SYT14: variants seen among roughly 807,000 people sequenced by gnomAD.
The protein encoded by SYT14 is synaptotagmin-14.
A neutral mutation model predicts 74.2 loss-of-function variants in SYT14; 32 were observed. The observed-to-expected ratio is 0.43, with a 90% CI of 0.33 to 0.58. The LOEUF is 0.58. SYT14 is among the 20% of genes least tolerant of loss of function. The pLI is 0.05. For missense variants in SYT14, 791 were observed against 981.8 expected (o/e 0.81, Z 2.60); for synonymous variants, 298 against 337.7 (o/e 0.88, Z 1.29).
chr1:210,155,858 A>G, exon 8 of SYT14: 1 of 1,614,124 alleles, frequency 6.2e-7, no homozygotes, highest in Non-Finnish European at 8.5e-7. Context: ...GACTATCAGC[A>G]GAAGTGATAA....
chr1:210,079,449 G>T (rs1164895899), intron 5 of SYT14, among the ~76,000 whole-genome samples: 1 of 152,086 alleles, frequency 6.6e-6, no homozygotes, highest in Non-Finnish European at 1.5e-5. Flanking sequence ...GTCAGGTAGG[G>T]TTGTGTTTTG....
intron 2 of SYT14, among the ~76,000 whole-genome samples, chr1:209,978,618 G>T (rs970764378): frequency 6.6e-6 from 1 of 152,152 alleles, no homozygotes; most frequent in Non-Finnish European, 1.5e-5. Flanking sequence ...TGCCCCTACT[G>T]GGGGGTGCCT....
chr1:209,983,102 A>T (rs909439168), intron 2 of SYT14, among the ~76,000 whole-genome samples: 1 of 151,268 alleles, frequency 6.6e-6, no homozygotes. Context: ...ACAGTCCTTT[A>T]TCAAATGTGT....
chr1:209,966,060 CG>C lies in SYT14; in HGVS notation c.-486+13308del, dbSNP rs2102732763. 2 of 392,026 alleles carry C rather than the reference CG, an allele frequency of 5.1e-6. 1 individual carries two copies. Among genetic ancestry groups the C allele is most frequent in the South Asian group, 3.7e-5 (2 of 53,462 alleles). The allele number at this position is 392,026 out of a possible 1,614,324, so 24.3% of individuals were successfully genotyped here. A position where few individuals can be genotyped will look rare whatever the true frequency, so the allele number is the denominator to read the frequency against. On this transcript the variant is annotated intron_variant, in intron 2 of 9. Coordinates refer to ENST00000637265, the Ensembl canonical transcript of SYT14. Reference sequence around the variant, plus strand: ...CTAATTTTGGTATTTTTAGTAGAGACGGGGTTTCACCATCTTGGCCAGGGTG... The same window carrying C: ...CTAATTTTGGTATTTTTAGTAGAGACGGGTTTCACCATCTTGGCCAGGGTG...
intron 5 of SYT14, among the ~76,000 whole-genome samples, chr1:210,027,238 T>C (rs1482900724): frequency 6.6e-6 from 1 of 152,058 alleles, no homozygotes; most frequent in Non-Finnish European, 1.5e-5. Context: ...CTCATGCCTA[T>C]AATGTCTCTA....
chr1:210,008,859 T>A (rs1161988401), intron 2 of SYT14, among the ~76,000 whole-genome samples: 1 of 152,192 alleles, frequency 6.6e-6, no homozygotes, highest in Non-Finnish European at 1.5e-5. Flanking sequence ...ACTCCTATAA[T>A]GAATAAGAAT....
At chr1:210,146,795 A>T (rs1270026477) in intron 7 of SYT14, among the ~76,000 whole-genome samples, 1 of 150,970 alleles carries the variant, frequency 6.6e-6, no homozygotes. Context: ...TACTATATGT[A>T]TGTAATATAT....
chr1:210,162,379 G>A (rs534875059), exon 10 of SYT14: 4 of 427,142 alleles, frequency 9.4e-6, no homozygotes, highest in South Asian at 7.0e-5. Context: ...GTTGTATAAT[G>A]TGCTAACTTT....
At chr1:209,987,472 G>C (rs1237675272) in intron 2 of SYT14, among the ~76,000 whole-genome samples, 1 of 152,220 alleles carries the variant, frequency 6.6e-6, no homozygotes. Flanking sequence ...ACAGGAGCAA[G>C]AGAGAATGTG....
In SYT14 at chr1:210,052,665, C is replaced by CAAAAAA. The variant is rs561069342; in HGVS notation, c.1312+31425_1312+31430dup. On this transcript the variant is annotated intron_variant, in intron 5 of 9. Transcript: ENST00000637265. The stretch of plus-strand genomic sequence containing the variant: ...CAGCAAGAGCGAAACTACATCTCAC[C>CAAAAAA]AAAAAAAAAAAAAAAAAAAGCTCTC... Among the ~76,000 whole-genome samples the CAAAAAA allele has an allele frequency of 2.5e-3, 105 of 42,200 alleles. 6 individuals are homozygous for CAAAAAA. Among genetic ancestry groups the CAAAAAA allele is most frequent in the East Asian group, 0.015 (24 of 1,624 alleles). 27.7% of individuals were successfully genotyped at this position (42,200 alleles called of 152,430 possible).
At chr1:209,957,370 G>C (rs891542474) in intron 2 of SYT14, among the ~76,000 whole-genome samples, 4 of 152,126 alleles carry the variant, frequency 2.6e-5, no homozygotes, top group Admixed American at 2.6e-4. Flanking sequence ...TTTATTTTGA[G>C]ATATTAGCAT....
At chr1:210,071,373 A>G (rs1424005550) in intron 5 of SYT14, among the ~76,000 whole-genome samples, 1 of 146,414 alleles carries the variant, frequency 6.8e-6, no homozygotes, top group Non-Finnish European at 1.5e-5. Context: ...ACATTGTAAT[A>G]CATATCTTAA....
chr1:210,118,233 A>T (rs953816151), intron 7 of SYT14, among the ~76,000 whole-genome samples: 3 of 150,812 alleles, frequency 2.0e-5, no homozygotes, highest in African/African-American at 7.2e-5. Context: ...AATTTATTAA[A>T]TTGAGAAAGA....
intron 7 of SYT14, among the ~76,000 whole-genome samples, chr1:210,114,949 T>A (rs1275628260): frequency 6.6e-6 from 1 of 150,660 alleles, no homozygotes; most frequent in East Asian, 1.9e-4. Context: ...ATGCTTAGGG[T>A]TGGGACTGAG....
chr1:210,064,306 A>G (rs985984923), intron 5 of SYT14, among the ~76,000 whole-genome samples: 5 of 152,020 alleles, frequency 3.3e-5, no homozygotes, highest in African/African-American at 9.7e-5. Context: ...TACCATCTTT[A>G]AAGTATGCAG....
chr1:210,073,676 T>C (rs550465229), intron 5 of SYT14, among the ~76,000 whole-genome samples: 1 of 152,068 alleles, frequency 6.6e-6, no homozygotes, highest in East Asian at 1.9e-4. Flanking sequence ...CAGAATGGAG[T>C]TATGTTTTGG....
At chr1:210,049,069 C>T (rs1161615562) in intron 5 of SYT14, among the ~76,000 whole-genome samples, 1 of 152,236 alleles carries the variant, frequency 6.6e-6, no homozygotes, top group Admixed American at 6.5e-5. Context: ...GCCCCTGTGG[C>T]TCTGCAGGGT....
At chr1:210,120,602 T>C (rs535672414) in intron 7 of SYT14, among the ~76,000 whole-genome samples, 1 of 152,318 alleles carries the variant, frequency 6.6e-6, no homozygotes, top group Non-Finnish European at 1.5e-5. Flanking sequence ...CAATAGGCTA[T>C]ACCATCTAGG....
At chr1:210,131,597 A>G (rs1012349768) in intron 7 of SYT14, among the ~76,000 whole-genome samples, 4 of 151,738 alleles carry the variant, frequency 2.6e-5, no homozygotes, top group African/African-American at 7.3e-5. Context: ...ATTTATTTCT[A>G]TACCTATATA....
Sources: allele counts gnomAD v4.1 joint callset (sites outside exome capture counted in the v4.1 genomes callset), GRCh38; gene constraint gnomAD v4.1.1; transcripts MANE v1.5; gene names NCBI Gene and HGNC (gene_info 2026-07-23, HGNC 2026-07-21).